Variants in ATP2A3 observed in about 807,000 individuals in gnomAD.
ATP2A3 encodes the protein ATPase sarcoplasmic/endoplasmic reticulum Ca2+ transporting 3.
Under a neutral mutation model 106.8 loss-of-function variants are expected in ATP2A3, and 61 were observed. The observed-to-expected ratio is 0.57, with a 90% CI of 0.46 to 0.71. The LOEUF (loss-of-function observed/expected upper bound fraction) is 0.71, where lower values mean the gene tolerates loss of function less well. Among genes scored for constraint, ATP2A3 ranks in the 30% least tolerant of loss-of-function variants. The pLI is 0.00. For synonymous variants in ATP2A3, 611 were observed against 609.3 expected, an observed-to-expected ratio of 1.00 and a Z score of -0.04; for missense variants, 1,201 against 1,423.5, an observed-to-expected ratio of 0.84 and a Z score of 2.52.
Position 3,953,170 on chromosome 17 carries a change from A to C in ATP2A3, c.219+177T>G, listed in dbSNP as rs2054552988. 1.4e-6 allele frequency: 1 copy of C among 713,406 alleles called. No homozygotes were observed. The highest frequency in any genetic ancestry group is 1.6e-5 in the South Asian group (1 of 63,732). The allele number at this position is 713,406 out of a possible 1,614,324, so 44.2% of individuals were successfully genotyped here. A position where few individuals can be genotyped will look rare whatever the true frequency, so the allele number is the denominator to read the frequency against. On this transcript the variant is annotated intron_variant, in intron 3 of 20. Transcript: ENST00000397041. This position sits in a 1 kb window ranked among gnomAD's most constrained non-coding sequence, Gnocchi z 5.1. ...GAGCCGGGGACCCAATGTAGGGGCC[A>C]TGAGGGTTCAGGCAAGGGAAGCTGA...
chr17:3,947,539 G>T lies in ATP2A3; in HGVS notation c.947C>A (p.Thr316Asn). 8 of 1,613,274 alleles carry T rather than the reference G, an allele frequency of 5.0e-6. No individual in the cohort carries two copies. Among genetic ancestry groups the T allele is most frequent in the Non-Finnish European group, 5.9e-6 (7 of 1,179,958 alleles). Residue 316 changes from threonine to asparagine, a missense_variant, in exon 8 of 21, where the codon ACT (threonine) becomes AAT (asparagine). Thr to Asn is a moderately conservative substitution (Grantham distance 65). This residue lies in a region of ATP2A3 where 935 missense variants were observed against 1,176.7 expected (regional missense o/e 0.79). Coordinates refer to ENST00000397041, the MANE Select transcript of ATP2A3 (RefSeq NM_005173.4). The surrounding 1 kb of genome is among the most constrained non-coding windows in gnomAD (Gnocchi z 7.7). Reference protein sequence around the residue: ...AIPEGLPAVITTCLALGTRRM... With the variant: ...AIPEGLPAVINTCLALGTRRM... ...CCGCGTGCCCAGTGCCAGGCATGTAGTGATGACAGCCGGGAGGCCCTCGGG... is the reference window on the plus strand; with the variant it reads ...CCGCGTGCCCAGTGCCAGGCATGTATTGATGACAGCCGGGAGGCCCTCGGG...
rs1252182707 is a variant in ATP2A3, at chr17:3,929,427, C to G, written c.2763G>C (p.Ser921=). The G allele has an allele frequency of 6.3e-7, 1 of 1,593,948 alleles. No individual in the cohort carries two copies. The part of the protein sequence containing the change: ...NALNSVSENQ[S]LLRMPPWMNP... ...TCATCCAGGGCGGCATCCGCAGCAG[C>G]GACTGGTTCTCCGAGACGCTGCCAG... Residue 921 remains serine (S), a synonymous_variant, in exon 19 of 21, where the codon TCG becomes TCC. Coordinates refer to ENST00000397041, the MANE Select transcript of ATP2A3 (RefSeq NM_005173.4). This position sits in a 1 kb window ranked among gnomAD's most constrained non-coding sequence, Gnocchi z 4.3.
At chr17:3,963,158 T>G (rs2055231839) in intron 1 of ATP2A3, among the ~76,000 whole-genome samples, 1 of 152,158 alleles carries the variant, frequency 6.6e-6, no homozygotes, top group Admixed American at 6.5e-5. Flanking sequence ...TAGCCCTGAG[T>G]AGTAGGATCC....
chr17:3,953,398 C>A lies in ATP2A3; in HGVS notation c.168G>T (p.Gln56His), dbSNP rs753148382. The change falls in exon 3 of 21, where the codon CAG (glutamine) becomes CAT (histidine). Residue 56 changes from glutamine (Q) to histidine (H), a missense_variant. Physicochemically the swap from Gln to His is conservative, Grantham distance 24 (BLOSUM62 0). This residue lies in a region of ATP2A3 where 266 missense variants were observed against 246.8 expected (regional missense o/e 1.08). Coordinates refer to ENST00000397041, the MANE Select transcript of ATP2A3 (RefSeq NM_005173.4). The surrounding 1 kb of genome is among the most constrained non-coding windows in gnomAD (Gnocchi z 5.1). ...GKSLWELVLE[Q>H]FEDLLVRILL... ...GGATGCGCACCAGGAGGTCCTCAAA[C>A]TGTTCCAGCACCAGCTCCCACAGGG... is the stretch of plus-strand genomic sequence containing the variant. The A allele has an allele frequency of 1.9e-6, 3 of 1,614,046 alleles. No individual in the cohort carries two copies. Among genetic ancestry groups the A allele is most frequent in the Non-Finnish European group, 2.5e-6 (3 of 1,180,004 alleles).
In ATP2A3 at chr17:3,941,682, T is replaced by C. The variant is rs747073811; in HGVS notation, c.1546-28A>G. 3 of 1,599,344 alleles carry C rather than the reference T, an allele frequency of 1.9e-6. No homozygotes were observed. In the South Asian group the frequency reaches 3.3e-5, roughly 18 times the overall value. ...GCGAGGTGGGGAGAGGGAGAAGAGGTAACTCATCAGTCAGAACCCCTCCTC... is the reference window on the plus strand; with the variant it reads ...GCGAGGTGGGGAGAGGGAGAAGAGGCAACTCATCAGTCAGAACCCCTCCTC... On this transcript the variant is annotated intron_variant, in intron 12 of 20. Transcript: ENST00000397041.
rs1211863729 is a variant in ATP2A3 at position 3,953,232 on chromosome 17, C to G, written c.219+115G>C. On this transcript the variant is annotated intron_variant, in intron 3 of 20. Transcript: ENST00000397041. The surrounding 1 kb of genome is among the most constrained non-coding windows in gnomAD (Gnocchi z 5.1). The stretch of plus-strand genomic sequence containing the variant: ...GGCAGGGCCAGGGAAGGCCAGGGCG[C>G]AGGCCCAGGGTGTGGAGGACAGGCC... The G allele has an allele frequency of 9.0e-6, 11 of 1,216,728 alleles. No homozygotes were observed. Among genetic ancestry groups the G allele is most frequent in the Non-Finnish European group, 1.3e-5 (11 of 821,680 alleles). The allele number at this position is 1,216,728 out of a possible 1,614,324, so 75.4% of individuals were successfully genotyped here.
chr17:3,927,933 G>C (rs895428940), intron 20 of ATP2A3: 1 of 1,610,734 alleles, frequency 6.2e-7, no homozygotes, highest in Non-Finnish European at 8.5e-7. Context: ...CAGCAGTCCA[G>C]CCATACGGCC....
rs550381496 is a variant in ATP2A3 at position 3,930,816 on chromosome 17, A to G, written c.2611-382T>C. The G allele has an allele frequency of 1.9e-5, 7 of 363,372 alleles. No individual in the cohort carries two copies. Among genetic ancestry groups the G allele is most frequent in the African/African-American group, 1.5e-4 (7 of 47,318 alleles). 22.5% of individuals were successfully genotyped at this position (363,372 alleles called of 1,614,324 possible). ...AGTGGAATTCACCTTTGCGGTATAG[A>G]AGATGAAGGCTACGCAGGCCCTGTT... On this transcript the variant is annotated intron_variant, in intron 17 of 20. Coordinates refer to ENST00000397041, the MANE Select transcript of ATP2A3 (RefSeq NM_005173.4). The surrounding 1 kb of genome is among the most constrained non-coding windows in gnomAD (Gnocchi z 5.4).
intron 17 of ATP2A3, among the ~76,000 whole-genome samples, chr17:3,933,986 C>T (rs920902728): frequency 2.0e-5 from 3 of 149,656 alleles, no homozygotes; most frequent in East Asian, 4.0e-4. Context: ...TGCAGTGGTG[C>T]GATCTCAGCT....
In ATP2A3 at chr17:3,924,950, A is replaced by C; in HGVS notation, c.*472T>G. On this transcript the variant is annotated 3_prime_UTR_variant, in exon 21 of 21. Coordinates refer to ENST00000397041, the MANE Select transcript of ATP2A3 (RefSeq NM_005173.4). This position sits in a 1 kb window ranked among gnomAD's most constrained non-coding sequence, Gnocchi z 6.4. ...CCCAGGGCTGACCCAGTCCCAGACC[A>C]GGCACGAAGAGAGAGGTCAGAGCCG... The C allele has an allele frequency of 4.9e-6, 2 of 411,878 alleles. No homozygotes were observed. Among genetic ancestry groups the C allele is most frequent in the Non-Finnish European group, 9.7e-6 (2 of 206,308 alleles). 25.5% of individuals were successfully genotyped at this position (411,878 alleles called of 1,614,324 possible).
rs762982262 is a variant in ATP2A3 at position 3,950,642 on chromosome 17, C to T, written c.545-46G>A. 3.1e-6 allele frequency: 5 copies of T among 1,613,544 alleles called. No homozygotes were observed. The African/African-American group carries it at 5.3e-5, about 17-fold the overall frequency. ...GAGAAGCCCCACATGAAGACACGCC[C>T]ATCCCTTAGTCCTGGCCCACTAGGT... On this transcript the variant is annotated intron_variant, in intron 6 of 20. Transcript: ENST00000397041.
chr17:3,935,144 C>T (rs1281304125), intron 17 of ATP2A3, 48 bp downstream of exon 17: 1 of 1,598,132 alleles, frequency 6.3e-7, no homozygotes, highest in African/African-American at 1.3e-5. Flanking sequence ...GGAACTCCAA[C>T]AACTCGAGCT....
At chr17:3,943,317 C>G in intron 11 of ATP2A3, 74 bp downstream of exon 11, 2 of 1,593,872 alleles carry the variant, frequency 1.3e-6, no homozygotes, top group Non-Finnish European at 1.7e-6. Flanking sequence ...ACTTCAGTGT[C>G]CTGTCTGCCT....
Position 3,929,054 on chromosome 17 carries a change from G to A in ATP2A3, c.2862+274C>T, listed in dbSNP as rs2052887897. Among the ~76,000 whole-genome samples, 1 of 152,054 alleles carries A rather than the reference G, an allele frequency of 6.6e-6. No homozygotes were observed. The highest frequency in any genetic ancestry group is 1.5e-5 in the Non-Finnish European group (1 of 67,996). ...TGGGTCAACTCCCATCCATCCTGTT[G>A]GGAGGCGGGAGGATTCTGCCCTGGG... On this transcript the variant is annotated intron_variant, in intron 19 of 20. Transcript: ENST00000397041. The surrounding 1 kb of genome is among the most constrained non-coding windows in gnomAD (Gnocchi z 4.3).
At chr17:3,952,868 A>G (rs1339466849) in intron 3 of ATP2A3, among the ~76,000 whole-genome samples, 2 of 152,228 alleles carry the variant, frequency 1.3e-5, no homozygotes, top group African/African-American at 4.8e-5. Flanking sequence ...CTGGGATTTC[A>G]ATCATGAGCT....
chr17:3,941,691 A>C (rs17846890), intron 12 of ATP2A3, 37 bp from the exon 13 acceptor site: 688,922 of 1,592,622 alleles, frequency 0.43, 153,710 homozygotes, highest in Middle Eastern at 0.5. Flanking sequence ...GTAACTCATC[A>C]GTCAGAACCC....
chr17:3,950,491 G>C lies in ATP2A3; in HGVS notation c.630+20C>G. On this transcript the variant is annotated intron_variant, in intron 7 of 20. Transcript: ENST00000397041. ...TATTTTTATCATTGTCTGGGCAAAG[G>C]CCCCAGACATTTGACTTACAGAAAA... 6.2e-7 allele frequency: 1 copy of C among 1,606,030 alleles called. No homozygotes were observed. The highest frequency in any genetic ancestry group is 1.1e-5 in the South Asian group (1 of 90,926).
In ATP2A3 at chr17:3,947,342, C is replaced by T. The variant is rs772214823; in HGVS notation, c.1095+49G>A. The T allele has an allele frequency of 3.7e-6, 6 of 1,606,784 alleles. No homozygotes were observed. Among genetic ancestry groups the T allele is most frequent in the East Asian group, 2.2e-5 (1 of 44,842 alleles). On this transcript the variant is annotated intron_variant, in intron 8 of 20. Coordinates refer to ENST00000397041, the MANE Select transcript of ATP2A3 (RefSeq NM_005173.4). This position sits in a 1 kb window ranked among gnomAD's most constrained non-coding sequence, Gnocchi z 7.7. ...GTGGGGGAGAGACCCAGAGAGGGAG[C>T]CCAGCCTGCTCTGCAACGCACAGCA...
chr17:3,964,128 C>A (rs2055299552), intron 1 of ATP2A3, 46 bp downstream of exon 1: 7 of 1,027,256 alleles, frequency 6.8e-6, no homozygotes, highest in Non-Finnish European at 8.4e-6. Context: ...GAGACTGCGG[C>A]GCGCGCGGCC....
Sources: gnomAD v4.1 joint callset for allele counts (sites outside exome capture counted in the v4.1 genomes callset) on GRCh38, gnomAD v4.1.1 for gene constraint, gnomAD v4.1.1 regional missense constraint, Gnocchi (gnomAD v3.1) non-coding constraint, MANE v1.5 for transcripts, NCBI Gene and HGNC (gene_info 2026-07-23, HGNC 2026-07-21) for gene names.